The following SUGCT variants were observed in gnomAD, a reference collection of about 807,000 sequenced individuals.
The protein encoded by SUGCT is succinyl-CoA:glutarate-CoA transferase, also known as succinyl-CoA:glutarate CoA-transferase.
Under a neutral mutation model 55.0 loss-of-function variants are expected in SUGCT, and 41 were observed. The observed-to-expected ratio is 0.74, with a 90% confidence interval of 0.58 to 0.97. SUGCT has a LOEUF of 0.97. SUGCT is among the 50% of genes least tolerant of loss of function. The probability of loss-of-function intolerance (pLI) is 0.00; values close to 1 mark genes in which losing one functional copy is unlikely to be tolerated. For synonymous variants in SUGCT, 187 were observed against 200.4 expected, an observed-to-expected ratio of 0.93 and a Z score of 0.56; for missense variants, 568 against 547.8, an observed-to-expected ratio of 1.04 and a Z score of -0.37.
At chr7:40,420,709 T>C (rs1787261277) in intron 9 of SUGCT, among the ~76,000 whole-genome samples, 1 of 152,142 alleles carries the variant, frequency 6.6e-6, no homozygotes, top group Non-Finnish European at 1.5e-5. Context: ...TGTGCTGCTG[T>C]GGTTTATGTC....
At chr7:40,386,505 T>C (rs879523923) in intron 9 of SUGCT, among the ~76,000 whole-genome samples, 5 of 152,188 alleles carry the variant, frequency 3.3e-5, no homozygotes, top group Non-Finnish European at 7.4e-5. Context: ...AGCTAATTAG[T>C]TTCTCTCAAC....
At chr7:40,518,322 T>C (rs1387283562) in intron 12 of SUGCT, among the ~76,000 whole-genome samples, 1 of 152,128 alleles carries the variant, frequency 6.6e-6, no homozygotes, top group African/African-American at 2.4e-5. Flanking sequence ...TGTCTTCCAA[T>C]TGGTAAATTT....
chr7:40,316,548 A>T (rs1380636316), intron 8 of SUGCT, among the ~76,000 whole-genome samples: 2 of 152,138 alleles, frequency 1.3e-5, no homozygotes, highest in Admixed American at 1.3e-4. Context: ...TATATTTCTC[A>T]ATTGACTATT....
chr7:40,260,532 T>C (rs1791154395), intron 7 of SUGCT, among the ~76,000 whole-genome samples: 1 of 152,234 alleles, frequency 6.6e-6, no homozygotes, highest in Non-Finnish European at 1.5e-5. Flanking sequence ...AGGTAAAACC[T>C]TGTACTCAGA....
intron 9 of SUGCT, among the ~76,000 whole-genome samples, chr7:40,338,972 A>T (rs1038413165): frequency 6.6e-6 from 1 of 152,182 alleles, no homozygotes; most frequent in Non-Finnish European, 1.5e-5. Flanking sequence ...AACAGTCAGG[A>T]TCCTCAGCTG....
At chr7:40,433,781 A>G (rs986748628) in intron 9 of SUGCT, among the ~76,000 whole-genome samples, 3 of 152,236 alleles carry the variant, frequency 2.0e-5, no homozygotes, top group Non-Finnish European at 4.4e-5. Context: ...GAGGCATGCA[A>G]AGATAAATTA....
At chr7:40,327,633 A>G (rs1796083458) in intron 9 of SUGCT, among the ~76,000 whole-genome samples, 4 of 152,220 alleles carry the variant, frequency 2.6e-5, no homozygotes. Context: ...AAGTAAAAGT[A>G]GTAAATCCCT....
chr7:40,476,108 C>T (rs1195453475), intron 11 of SUGCT, among the ~76,000 whole-genome samples: 1 of 151,974 alleles, frequency 6.6e-6, no homozygotes, highest in South Asian at 2.1e-4. Context: ...TGCTTCAGGC[C>T]CCTCATATGT....
At chr7:41,033,046 G>GC in the SUGCT span, among the ~76,000 whole-genome samples, 1 of 152,318 alleles carries the variant, frequency 6.6e-6, no homozygotes, top group Non-Finnish European at 1.5e-5. Context: ...ACAGGCATGA[G>GC]CCACTGCGTG....
the SUGCT span, among the ~76,000 whole-genome samples, chr7:40,879,279 T>C: frequency 6.6e-6 from 1 of 152,228 alleles, no homozygotes; most frequent in Non-Finnish European, 1.5e-5. Flanking sequence ...TTAGAGATAA[T>C]AGTATAATTA....
chr7:40,567,585 T>C (rs1796216885), intron 12 of SUGCT, among the ~76,000 whole-genome samples: 1 of 152,190 alleles, frequency 6.6e-6, no homozygotes, highest in Non-Finnish European at 1.5e-5. Context: ...CTCCTCTCTA[T>C]CCTCTGGTCT....
intron 13 of SUGCT, among the ~76,000 whole-genome samples, chr7:40,767,458 A>C (rs1310102245): frequency 1.3e-5 from 2 of 152,186 alleles, no homozygotes; most frequent in Admixed American, 1.3e-4. Context: ...ATCTGATATG[A>C]AACCACAGAG....
intron 12 of SUGCT, among the ~76,000 whole-genome samples, chr7:40,714,087 TG>T (rs1277725988): frequency 6.6e-6 from 1 of 152,152 alleles, no homozygotes; most frequent in Non-Finnish European, 1.5e-5. Flanking sequence ...CCCAGCACTT[TG>T]GGAGGCCAAG....
intron 12 of SUGCT, among the ~76,000 whole-genome samples, chr7:40,600,833 G>A (rs1345245279): frequency 6.6e-6 from 1 of 151,130 alleles, no homozygotes; most frequent in Non-Finnish European, 1.5e-5. Flanking sequence ...GCTCAGAATT[G>A]TCTAGTTAGA....
At chr7:40,464,305 A>C (rs1789980782) in intron 11 of SUGCT, among the ~76,000 whole-genome samples, 2 of 151,942 alleles carry the variant, frequency 1.3e-5, no homozygotes, top group Non-Finnish European at 2.9e-5. Context: ...TAAACACAGA[A>C]AGCATTGATT....
intron 12 of SUGCT, among the ~76,000 whole-genome samples, chr7:40,542,951 A>T (rs1032747614): frequency 6.6e-6 from 1 of 152,200 alleles, no homozygotes; most frequent in Non-Finnish European, 1.5e-5. Context: ...TCAATGTAGG[A>T]ATAGAATTTG....
At chr7:40,786,801 G>A (rs1188837217) in intron 13 of SUGCT, among the ~76,000 whole-genome samples, 3 of 152,156 alleles carry the variant, frequency 2.0e-5, no homozygotes, top group Non-Finnish European at 2.9e-5. Flanking sequence ...TTGGATGTTA[G>A]CCTTAATGTT....
chr7:40,151,899 G>T (rs1788596927), intron 1 of SUGCT, among the ~76,000 whole-genome samples: 1 of 152,166 alleles, frequency 6.6e-6, no homozygotes, highest in African/African-American at 2.4e-5. Flanking sequence ...GAGCCAGAGG[G>T]TAGGGAGTGC....
chr7:40,719,095 T>C (rs1251243752), intron 12 of SUGCT, among the ~76,000 whole-genome samples: 1 of 152,248 alleles, frequency 6.6e-6, no homozygotes, highest in Non-Finnish European at 1.5e-5. Flanking sequence ...ACATAGCTTA[T>C]GGAGCCATAT....
Sources: gnomAD v4.1 joint callset for allele counts (sites outside exome capture counted in the v4.1 genomes callset) on GRCh38, gnomAD v4.1.1 for gene constraint, MANE v1.5 for transcripts, NCBI Gene and HGNC (gene_info 2026-07-23, HGNC 2026-07-21) for gene names.